NT5M: variants seen among roughly 807,000 people sequenced by gnomAD.
NT5M encodes the protein 5',3'-nucleotidase, mitochondrial.
A neutral mutation model predicts 22.2 loss-of-function variants in NT5M; 22 were observed. The ratio of observed to expected loss-of-function variants is 0.99; its 90% confidence interval spans 0.71 to 1.41. The LOEUF (loss-of-function observed/expected upper bound fraction) is 1.41, where lower values mean the gene tolerates loss of function less well. NT5M is among the 40% of genes most tolerant of loss of function. NT5M has a pLI of 0.00. For synonymous variants in NT5M, 167 were observed against 133.0 expected (o/e 1.26, Z -1.76); for missense variants, 322 against 314.8 (o/e 1.02, Z -0.17).
intron 3 of NT5M, among the ~76,000 whole-genome samples, chr17:17,335,384 A>G (rs1253973868): frequency 6.6e-6 from 1 of 151,992 alleles, no homozygotes; most frequent in African/African-American, 2.4e-5. Flanking sequence ...CCACCTCCCA[A>G]GTAGCTGGGA....
At chr17:17,345,725 C>T (rs552187861) in intron 4 of NT5M, among the ~76,000 whole-genome samples, 1 of 152,036 alleles carries the variant, frequency 6.6e-6, no homozygotes, top group East Asian at 1.9e-4. Flanking sequence ...GTGGGAAAAT[C>T]ACCTGAGCTG....
chr17:17,304,935 C>T (rs939552043), intron 1 of NT5M, among the ~76,000 whole-genome samples: 1 of 152,200 alleles, frequency 6.6e-6, no homozygotes, highest in Non-Finnish European at 1.5e-5. Flanking sequence ...TCCATCAACA[C>T]CAGGCACTTC....
chr17:17,336,779 G>C (rs1262423774), intron 3 of NT5M, among the ~76,000 whole-genome samples: 2 of 152,088 alleles, frequency 1.3e-5, no homozygotes, highest in Non-Finnish European at 2.9e-5. Flanking sequence ...TTGAACTCCT[G>C]ACCTCTTGAT....
intron 2 of NT5M, among the ~76,000 whole-genome samples, chr17:17,319,323 G>A (rs2049103088): frequency 6.6e-6 from 1 of 152,154 alleles, no homozygotes; most frequent in South Asian, 2.1e-4. Flanking sequence ...TAATGGGAAT[G>A]GGGCTTCTTT....
chr17:17,325,406 A>G (rs2049244874), intron 3 of NT5M, among the ~76,000 whole-genome samples: 2 of 151,984 alleles, frequency 1.3e-5, no homozygotes, highest in South Asian at 4.2e-4. Context: ...TCAGGTCGGA[A>G]ATCAGGGGCC....
In NT5M at chr17:17,323,037, G is replaced by A. The variant is rs562586584; in HGVS notation, c.369-148G>A. On this transcript the variant is annotated intron_variant, in intron 2 of 4. Transcript: ENST00000389022. Reference sequence around the variant, plus strand: ...GGGATAGGCCGACACCTCTGGTGTGGATATAGTACAGGGGAGTGGGTCTCC... The same window carrying A: ...GGGATAGGCCGACACCTCTGGTGTGAATATAGTACAGGGGAGTGGGTCTCC... The A allele has an allele frequency of 1.3e-5, 10 of 745,300 alleles. No individual in the cohort carries two copies. The East Asian group carries it at 2.0e-4, about 15-fold the overall frequency. 46.2% of individuals were successfully genotyped at this position (745,300 alleles called of 1,614,324 possible). A position where few individuals can be genotyped will look rare whatever the true frequency, so the allele number is the denominator to read the frequency against.
chr17:17,338,101 G>A (rs534661230), intron 3 of NT5M, among the ~76,000 whole-genome samples: 1 of 152,144 alleles, frequency 6.6e-6, no homozygotes, highest in South Asian at 2.1e-4. Context: ...GCCATTTATT[G>A]AAGAGACTGT....
intron 4 of NT5M, among the ~76,000 whole-genome samples, chr17:17,345,653 A>T (rs1255607190): frequency 1.4e-5 from 2 of 144,558 alleles, no homozygotes; most frequent in Non-Finnish European, 3.1e-5. Flanking sequence ...AAAAAAAAAC[A>T]CAAAAAAATT....
chr17:17,323,209 C>T lies in NT5M; in HGVS notation c.393C>T (p.Ser131=), dbSNP rs1344903535. The T allele has an allele frequency of 1.2e-6, 2 of 1,614,072 alleles. No individual in the cohort carries two copies. The highest frequency in any genetic ancestry group is 1.7e-5 in the Admixed American group (1 of 60,020). The change falls in exon 3 of 5, where the codon AGC becomes AGT. Residue 131 remains serine, a synonymous_variant. Coordinates refer to ENST00000389022, the MANE Select transcript of NT5M (RefSeq NM_020201.4). ...LQNTDVFICT[S]PIKMFKYCPY... is the part of the protein sequence containing the mutation. ...GCACTGACGTCTTCATCTGCACAAG[C>T]CCCATCAAGATGTTCAAGTACTGTC...
intron 2 of NT5M, among the ~76,000 whole-genome samples, chr17:17,320,926 G>A (rs1383309087): frequency 6.6e-6 from 1 of 152,132 alleles, no homozygotes; most frequent in Non-Finnish European, 1.5e-5. Flanking sequence ...AGGGTCTTTG[G>A]TGACAAGGAG....
In NT5M at chr17:17,346,825, TG is replaced by T; in HGVS notation, c.568del (p.Glu190SerfsTer52). On this transcript the variant is annotated frameshift_variant, in exon 5 of 5. Coordinates refer to ENST00000389022, the MANE Select transcript of NT5M (RefSeq NM_020201.4). LOFTEE classifies it high-confidence loss of function. The part of the protein sequence containing the change: ...DITGAEPTPS[W>X]EHVLFTACHN... Reference sequence around the variant, plus strand: ...CACAGGGGCCGAGCCAACCCCCAGCTGGGAGCATGTCCTCTTCACCGCCTGC... The same window carrying T: ...CACAGGGGCCGAGCCAACCCCCAGCTGGAGCATGTCCTCTTCACCGCCTGC... The T allele has an allele frequency of 6.2e-7, 1 of 1,607,384 alleles. No homozygotes were observed. Among genetic ancestry groups the T allele is most frequent in the East Asian group, 2.2e-5 (1 of 44,870 alleles).
intron 3 of NT5M, among the ~76,000 whole-genome samples, chr17:17,330,297 CAAAA>C (rs549526002): frequency 1.5e-5 from 1 of 68,896 alleles, no homozygotes; most frequent in Non-Finnish European, 3.2e-5. Context: ...GACTCCGTCT[CAAAA>C]AAAAAAAAAC....
chr17:17,317,415 T>C (rs1032797740), intron 2 of NT5M, among the ~76,000 whole-genome samples: 1 of 152,194 alleles, frequency 6.6e-6, no homozygotes, highest in African/African-American at 2.4e-5. Flanking sequence ...AATGAAGATA[T>C]ACAGATGGCC....
At chr17:17,344,035 G>A in intron 3 of NT5M, among the ~76,000 whole-genome samples, 1 of 152,194 alleles carries the variant, frequency 6.6e-6, no homozygotes, top group Middle Eastern at 3.2e-3. Context: ...AGGGAATCGA[G>A]GCAAAGGGAA....
At chr17:17,329,697 C>T (rs148413038) in intron 3 of NT5M, among the ~76,000 whole-genome samples, 71 of 152,182 alleles carry the variant, frequency 4.7e-4, no homozygotes, top group Middle Eastern at 3.4e-3. Flanking sequence ...CACTTCAGGC[C>T]GGGTACAGTG....
chr17:17,323,340 C>G, intron 3 of NT5M, 95 bp downstream of exon 3: 1 of 1,000,080 alleles, frequency 1.0e-6, no homozygotes, highest in Non-Finnish European at 1.6e-6. Context: ...GATGGACCCT[C>G]ACAGCACTCC....
rs186266262 is a variant in NT5M at position 17,342,308 on chromosome 17, C to G, written c.430-2486C>G. On this transcript the variant is annotated intron_variant, in intron 3 of 4. Transcript: ENST00000389022. ...GATAAGTCACAGACCCTCTCTGAGC[C>G]TCCATTTCTTCATCTGTACGGGATC... Among the ~76,000 whole-genome samples, 165 of 152,290 alleles carry G rather than the reference C, an allele frequency of 1.1e-3. 1 individual carries two copies. The highest frequency in any genetic ancestry group is 9.5e-3 in the Admixed American group (145 of 15,292).
At chr17:17,323,316 G>A in intron 3 of NT5M, 71 bp downstream of exon 3, 2 of 1,324,502 alleles carry the variant, frequency 1.5e-6, no homozygotes, top group East Asian at 2.3e-5. Flanking sequence ...GGCTCAGCCT[G>A]CCTGTGGAAA....
At chr17:17,345,468 G>C (rs1753649734) in intron 4 of NT5M, among the ~76,000 whole-genome samples, 1 of 152,062 alleles carries the variant, frequency 6.6e-6, no homozygotes, top group Non-Finnish European at 1.5e-5. Flanking sequence ...TGTGAAACCA[G>C]CCTGGCCAAC....
Sources: allele counts gnomAD v4.1 joint callset (sites outside exome capture counted in the v4.1 genomes callset), GRCh38; gene constraint gnomAD v4.1.1; transcripts MANE v1.5; gene names NCBI Gene and HGNC (gene_info 2026-07-23, HGNC 2026-07-21).